The following TRIM9 variants were observed in gnomAD, a reference collection of about 807,000 sequenced individuals.
The protein encoded by TRIM9 is E3 ubiquitin-protein ligase TRIM9.
In TRIM9, 26 loss-of-function variants were observed where a neutral mutation model predicts 78.3. The ratio of observed to expected loss-of-function variants is 0.33; its 90% CI spans 0.24 to 0.46. The LOEUF is 0.46. TRIM9 is among the 20% of genes least tolerant of loss of function. The pLI is 1.00. For missense variants in TRIM9, 787 were observed against 1,036.4 expected (o/e 0.76, Z 3.30); for synonymous variants, 398 against 416.5 (o/e 0.96, Z 0.54).
intron 3 of TRIM9, among the ~76,000 whole-genome samples, chr14:51,020,661 A>G (rs536093089): frequency 2.0e-4 from 31 of 152,348 alleles, no homozygotes; most frequent in Non-Finnish European, 3.8e-4. Context: ...ATTCCTGGGC[A>G]ATGACATCTG....
At chr14:50,997,591 T>A (rs2054388815) in intron 7 of TRIM9, 1 of 1,006,414 alleles carries the variant, frequency 9.9e-7, no homozygotes, top group South Asian at 4.3e-5. Context: ...ACACATTCAG[T>A]CATACAAATC....
rs2058967808 is a variant in TRIM9 at position 51,034,297 on chromosome 14, TA to T, written c.823-8938del. 3.3e-5 allele frequency among the ~76,000 whole-genome samples: 5 copies of T among 152,334 alleles called. No individual in the cohort carries two copies. The South Asian group carries it at 1.0e-3, about 32-fold the overall frequency. ...GGACCACTTCTAAGTGCTTCACAAA[TA>T]AACCCAATGAGAATTTAGGCCTTAA... On this transcript the variant is annotated intron_variant, in intron 1 of 12. Transcript: ENST00000684578.
intron 11 of TRIM9, among the ~76,000 whole-genome samples, chr14:50,980,721 G>A (rs4901069): frequency 0.51 from 76,986 of 152,094 alleles, 19,996 homozygotes; most frequent in African/African-American, 0.62. Flanking sequence ...ACAAAATGCC[G>A]ATCACTGAAG....
chr14:51,066,052 AGAAGGAAGGAAG>A lies in TRIM9; in HGVS notation c.822+28054_822+28065del, dbSNP rs78448733. 1.4e-3 allele frequency among the ~76,000 whole-genome samples: 158 copies of A among 112,606 alleles called. 1 individual carries two copies. The highest frequency in any genetic ancestry group is 2.2e-3 in the African/African-American group (61 of 27,598). The allele number at this position is 112,606 out of a possible 152,430, so 73.9% of individuals were successfully genotyped here. ...GCAAGCAGGCCTGAGCATCTCTTTT[AGAAGGAAGGAAG>A]GAAGGAAGGAAGGAAGGAAGGAAGG... is the stretch of plus-strand genomic sequence containing the variant. On this transcript the variant is annotated intron_variant, in intron 1 of 12. Coordinates refer to ENST00000684578, the MANE Select transcript of TRIM9 (RefSeq NM_001387360.1).
rs148072689 is a variant in TRIM9, at chr14:51,009,177, G to A, written c.1209C>T (p.Gly403=). The A allele has an allele frequency of 6.2e-7, 1 of 1,614,086 alleles. No homozygotes were observed. The highest frequency in any genetic ancestry group is 1.3e-5 in the African/African-American group (1 of 75,028). The change falls in exon 5 of 13, where the codon GGC becomes GGT. Residue 403 remains glycine, a synonymous_variant. Transcript: ENST00000684578. ...VHLTEDQWGK[G]TLTPRMTTDF... is the part of the protein sequence containing the mutation. ...CCGTGGTCATCCTTGGAGTGAGTGT[G>A]CCTTTACCCCACTGATCCTCAGTCA... is the stretch of plus-strand genomic sequence containing the variant.
intron 5 of TRIM9, 130 bp downstream of exon 5, chr14:51,008,950 C>A: frequency 2.3e-6 from 2 of 887,954 alleles, no homozygotes; most frequent in South Asian, 1.6e-5. Context: ...TATAAGGATA[C>A]ATTTTCATTA....
intron 1 of TRIM9, among the ~76,000 whole-genome samples, chr14:51,088,507 C>T (rs907945217): frequency 6.6e-6 from 1 of 152,164 alleles, no homozygotes; most frequent in Non-Finnish European, 1.5e-5. Flanking sequence ...GTGGAGTGCT[C>T]ATACATATCT....
intron 1 of TRIM9, among the ~76,000 whole-genome samples, chr14:51,033,901 C>A (rs984132827): frequency 2.0e-5 from 3 of 152,138 alleles, no homozygotes; most frequent in Non-Finnish European, 4.4e-5. Flanking sequence ...TGCATATTCT[C>A]TTTATATTAT....
chr14:50,998,898 G>C (rs2054579249), intron 6 of TRIM9, among the ~76,000 whole-genome samples: 1 of 152,176 alleles, frequency 6.6e-6, no homozygotes. Context: ...AAAATAATTT[G>C]CATTCAAAGC....
At chr14:50,977,636 C>A (rs966677936) in intron 12 of TRIM9, among the ~76,000 whole-genome samples, 1 of 152,130 alleles carries the variant, frequency 6.6e-6, no homozygotes, top group Non-Finnish European at 1.5e-5. Flanking sequence ...TAACTGAAGA[C>A]ACAGGCCTTG....
chr14:51,014,444 C>T (rs904420481), intron 3 of TRIM9, among the ~76,000 whole-genome samples: 2 of 152,138 alleles, frequency 1.3e-5, no homozygotes, highest in African/African-American at 4.8e-5. Flanking sequence ...TTTGGTCCAC[C>T]TTTTTTACAT....
chr14:51,094,947 G>T lies in TRIM9; in HGVS notation c.-8C>A. 1 of 1,442,376 alleles carries T rather than the reference G, an allele frequency of 6.9e-7. No individual in the cohort carries two copies. Among genetic ancestry groups the T allele is most frequent in the Non-Finnish European group, 9.1e-7 (1 of 1,095,472 alleles). 89.3% of individuals were successfully genotyped at this position (1,442,376 alleles called of 1,614,324 possible). A position where few individuals can be genotyped will look rare whatever the true frequency, so the allele number is the denominator to read the frequency against. On this transcript the variant is annotated 5_prime_UTR_variant, in exon 1 of 13. Transcript: ENST00000684578. Reference sequence around the variant, plus strand: ...CTCTTCCATCTCCTCCATGGGGACCGGTCTGGGAGGAGACAGCGACGGCTG... The same window carrying T: ...CTCTTCCATCTCCTCCATGGGGACCTGTCTGGGAGGAGACAGCGACGGCTG...
intron 1 of TRIM9, among the ~76,000 whole-genome samples, chr14:51,045,017 G>A (rs1168110483): frequency 6.6e-6 from 1 of 152,088 alleles, no homozygotes; most frequent in Non-Finnish European, 1.5e-5. Flanking sequence ...TAAGAGGGCG[G>A]TTGGTTCTCA....
At chr14:50,997,778 G>A in intron 7 of TRIM9, 6 of 1,358,814 alleles carry the variant, frequency 4.4e-6, no homozygotes, top group Non-Finnish European at 5.7e-6. Context: ...TCATTTTTCA[G>A]CTTCTTCAAC....
At chr14:51,070,987 T>C (rs1197246789) in intron 1 of TRIM9, among the ~76,000 whole-genome samples, 1 of 152,048 alleles carries the variant, frequency 6.6e-6, no homozygotes, top group African/African-American at 2.4e-5. Context: ...GGGACTACCA[T>C]ATAAGATAAT....
chr14:51,000,558 G>T, intron 6 of TRIM9, 125 bp downstream of exon 6: 1 of 1,305,014 alleles, frequency 7.7e-7, no homozygotes, highest in Non-Finnish European at 1.1e-6. Flanking sequence ...TGAAGGGCAG[G>T]CAGGCCCTGC....
chr14:50,998,296 T>C, intron 6 of TRIM9, 108 bp from the exon 7 acceptor site: 1 of 1,081,342 alleles, frequency 9.2e-7, no homozygotes, highest in Non-Finnish European at 1.3e-6. Flanking sequence ...GTCATTCTAA[T>C]CTGGATTTGA....
intron 1 of TRIM9, among the ~76,000 whole-genome samples, chr14:51,031,451 A>C (rs557767250): frequency 3.2e-4 from 49 of 152,324 alleles, no homozygotes; most frequent in African/African-American, 7.9e-4. Flanking sequence ...GTAGGGGTCT[A>C]ACTTCAATAA....
chr14:51,059,908 A>G (rs1406672210), intron 1 of TRIM9, among the ~76,000 whole-genome samples: 3 of 152,242 alleles, frequency 2.0e-5, no homozygotes, highest in Non-Finnish European at 4.4e-5. Context: ...CTTCTTTAGA[A>G]TATTGGCTAC....
Sources: allele counts gnomAD v4.1 joint callset (sites outside exome capture counted in the v4.1 genomes callset), GRCh38; gene constraint gnomAD v4.1.1; transcripts MANE v1.5; gene names NCBI Gene and HGNC (gene_info 2026-07-23, HGNC 2026-07-21).